Variants in TNFSF14 observed in about 807,000 individuals in gnomAD.
TNFSF14 encodes tumor necrosis factor ligand superfamily member 14.
TNFSF14 carries 15 observed loss-of-function variants against 22.7 expected under a neutral mutation model. The ratio of observed to expected loss-of-function variants is 0.66; its 90% CI spans 0.44 to 1.02. The LOEUF (loss-of-function observed/expected upper bound fraction) is 1.02. TNFSF14 is among the 50% of genes least tolerant of loss of function. The pLI is 0.00. For missense variants in TNFSF14, 287 were observed against 326.2 expected (o/e 0.88, Z 0.93); for synonymous variants, 133 against 139.6 (o/e 0.95, Z 0.33).
chr19:6,666,430 G>A (rs542483025), intron 3 of TNFSF14, among the ~76,000 whole-genome samples: 5 of 148,832 alleles, frequency 3.4e-5, no homozygotes, highest in African/African-American at 1.2e-4. Context: ...AAACATGCAA[G>A]TTTGCAAAAC....
Position 6,661,652 on chromosome 19 carries a change from C to T in TNFSF14, c.*3274G>A, listed in dbSNP as rs1568199292. ...GGTGAGAGACTGCAAGCGAAGAAGC[C>T]AAAATAGAGTCTGCCTGGCCCTCTC... On this transcript the variant is annotated 3_prime_UTR_variant, in exon 4 of 4. Coordinates refer to ENST00000675206, the MANE Select transcript of TNFSF14 (RefSeq NM_001376887.1). 1.3e-5 allele frequency: 2 copies of T among 152,108 alleles called. No individual in the cohort carries two copies. Among genetic ancestry groups the T allele is most frequent in the Non-Finnish European group, 2.9e-5 (2 of 68,010 alleles). 9.4% of individuals were successfully genotyped at this position (152,108 alleles called of 1,614,324 possible).
At position 6,662,576 on chromosome 19, in the gene TNFSF14, A is replaced by G. The variant is rs1234840682; in HGVS notation, c.*2350T>C. On this transcript the variant is annotated 3_prime_UTR_variant, in exon 4 of 4. Coordinates refer to ENST00000675206, the MANE Select transcript of TNFSF14 (RefSeq NM_001376887.1). ...CTATTGGCGATAACAACAATAACCC[A>G]CAAATTTTGACTTGTCATTCACAAC... 1 of 152,216 alleles carries G rather than the reference A, an allele frequency of 6.6e-6. No individual in the cohort carries two copies. Among genetic ancestry groups the G allele is most frequent in the Admixed American group, 6.5e-5 (1 of 15,270 alleles). 9.4% of individuals were successfully genotyped at this position (152,216 alleles called of 1,614,324 possible).
chr19:6,664,627 C>CG lies in TNFSF14; in HGVS notation c.*298_*299insC. 4.5e-6 allele frequency: 1 copy of CG among 220,464 alleles called. No homozygotes were observed. The allele number at this position is 220,464 out of a possible 1,614,324, so 13.7% of individuals were successfully genotyped here. A position where few individuals can be genotyped will look rare whatever the true frequency, so the allele number is the denominator to read the frequency against. ...GATCTCGGCTCACTGCAACCTCCGCCTCCCGGGTTTAAGCAAAATTATCCT... is the reference window on the plus strand; with the variant it reads ...GATCTCGGCTCACTGCAACCTCCGCCGTCCCGGGTTTAAGCAAAATTATCCT... On this transcript the variant is annotated 3_prime_UTR_variant, in exon 4 of 4. Coordinates refer to ENST00000675206, the MANE Select transcript of TNFSF14 (RefSeq NM_001376887.1). The surrounding 1 kb of genome is among the most constrained non-coding windows in gnomAD (Gnocchi z 4.7).
In TNFSF14 at chr19:6,664,794, C is replaced by A. The variant is rs1237135958; in HGVS notation, c.*132G>T. The A allele has an allele frequency of 1.7e-6, 2 of 1,195,826 alleles. No homozygotes were observed. The highest frequency in any genetic ancestry group is 2.3e-6 in the Non-Finnish European group (2 of 861,550). The allele number at this position is 1,195,826 out of a possible 1,614,324, so 74.1% of individuals were successfully genotyped here. On this transcript the variant is annotated 3_prime_UTR_variant, in exon 4 of 4. Transcript: ENST00000675206. The surrounding 1 kb of genome is among the most constrained non-coding windows in gnomAD (Gnocchi z 4.7). Reference sequence around the variant, plus strand: ...ACCTCAGGTGATCCGCCTGCCTTGGCCTCCCAAAGTGCTGGGATTACAGGC... The same window carrying A: ...ACCTCAGGTGATCCGCCTGCCTTGGACTCCCAAAGTGCTGGGATTACAGGC...
Position 6,669,975 on chromosome 19 carries a change from G to A in TNFSF14, c.95C>T (p.Ser32Leu), listed in dbSNP as rs2291667. 1,141 of 1,614,132 alleles carry A rather than the reference G, an allele frequency of 7.1e-4. 6 individuals are homozygous for A. The highest frequency in any genetic ancestry group is 6.4e-3 in the East Asian group (287 of 44,878). ...TRLGRSHRRQ[S>L]CSVARVGLGL... ...CAGACCCACCCGGGCCACACTGCAC[G>A]ACTGTCTCCGGTGGCTTCGTCCCAG... The change falls in exon 1 of 4, where the codon TCG becomes TTG. Residue 32 changes from serine to leucine, a missense_variant. Ser to Leu is a moderately radical substitution (Grantham distance 145, BLOSUM62 -2). Coordinates refer to ENST00000675206, the MANE Select transcript of TNFSF14 (RefSeq NM_001376887.1).
Position 6,667,147 on chromosome 19 carries a change from C to T in TNFSF14, c.264G>A (p.Arg88=). ...GSWEQLIQER[R]SHEVNPAAHL... The stretch of plus-strand genomic sequence containing the variant: ...GCGCTGCTGGGTTGACCTCGTGAGA[C>T]CTTCGCTCTGGGGAAAGAGGGTCAG... Residue 88 remains arginine, a synonymous_variant, in exon 3 of 4, where the codon AGG becomes AGA. Transcript: ENST00000675206. 4.4e-6 allele frequency: 7 copies of T among 1,591,954 alleles called. No individual in the cohort carries two copies. The highest frequency in any genetic ancestry group is 6.0e-6 in the Non-Finnish European group (7 of 1,171,774).
rs750662491 is a variant in TNFSF14 at position 6,669,832 on chromosome 19, G to A, written c.219+19C>T. ...CCCCCCTCACCTCCACCTGCTCTCA[G>A]CCCCCCGGTCCCACTCACAGGCAGG... On this transcript the variant is annotated intron_variant, in intron 1 of 3. Transcript: ENST00000675206. 8.1e-6 allele frequency: 13 copies of A among 1,606,786 alleles called. No individual in the cohort carries two copies. Among genetic ancestry groups the A allele is most frequent in the Non-Finnish European group, 1.1e-5 (13 of 1,179,186 alleles).
chr19:6,670,294 A>C, upstream of TNFSF14: 517 of 1,387,840 alleles, frequency 3.7e-4, no homozygotes, highest in Non-Finnish European at 4.5e-4. Context: ...ACAGACTCTC[A>C]CACTTTCCAG....
Position 6,669,840 on chromosome 19 carries a change from G to A in TNFSF14, c.219+11C>T. On this transcript the variant is annotated intron_variant, in intron 1 of 3. Transcript: ENST00000675206. ...ACCTCCACCTGCTCTCAGCCCCCCGGTCCCACTCACAGGCAGGCGGGTGAC... is the reference window on the plus strand; with the variant it reads ...ACCTCCACCTGCTCTCAGCCCCCCGATCCCACTCACAGGCAGGCGGGTGAC... 1.9e-6 allele frequency: 3 copies of A among 1,609,310 alleles called. No individual in the cohort carries two copies. The highest frequency in any genetic ancestry group is 1.1e-5 in the South Asian group (1 of 91,002).
chr19:6,667,344 T>C, intron 2 of TNFSF14, 69 bp downstream of exon 2: 7 of 1,491,918 alleles, frequency 4.7e-6, no homozygotes, highest in Non-Finnish European at 6.2e-6. Flanking sequence ...TATTGGGCAA[T>C]TGACCGAGGG....
Position 6,662,648 on chromosome 19 carries a change from C to T in TNFSF14, c.*2278G>A, listed in dbSNP as rs1414240324. 1 of 152,052 alleles carries T rather than the reference C, an allele frequency of 6.6e-6. No homozygotes were observed. Among genetic ancestry groups the T allele is most frequent in the Non-Finnish European group, 1.5e-5 (1 of 68,030 alleles). 9.4% of individuals were successfully genotyped at this position (152,052 alleles called of 1,614,324 possible). On this transcript the variant is annotated 3_prime_UTR_variant, in exon 4 of 4. Transcript: ENST00000675206. ...ATACATTCACCTCTGGGGTCGAAACCCATATCCTAGAATCCTAGGAACTAA... is the reference window on the plus strand; with the variant it reads ...ATACATTCACCTCTGGGGTCGAAACTCATATCCTAGAATCCTAGGAACTAA...
chr19:6,664,847 C>T lies in TNFSF14; in HGVS notation c.*79G>A, dbSNP rs1047900107. On this transcript the variant is annotated 3_prime_UTR_variant, in exon 4 of 4. Coordinates refer to ENST00000675206, the MANE Select transcript of TNFSF14 (RefSeq NM_001376887.1). This position sits in a 1 kb window ranked among gnomAD's most constrained non-coding sequence, Gnocchi z 4.7. Reference sequence around the variant, plus strand: ...GAGCCACCACGCCCAGCCTCTGCTTCGTGAGTTTTCTTTCCCCTGAGGCAC... The same window carrying T: ...GAGCCACCACGCCCAGCCTCTGCTTTGTGAGTTTTCTTTCCCCTGAGGCAC... The T allele has an allele frequency of 2.1e-5, 31 of 1,497,522 alleles. No homozygotes were observed. Among genetic ancestry groups the T allele is most frequent in the Non-Finnish European group, 2.5e-5 (28 of 1,119,574 alleles). The allele number at this position is 1,497,522 out of a possible 1,614,324, so 92.8% of individuals were successfully genotyped here. A position where few individuals can be genotyped will look rare whatever the true frequency, so the allele number is the denominator to read the frequency against.
rs1917282695 is a variant in TNFSF14 at position 6,662,883 on chromosome 19, A to T, written c.*2043T>A. On this transcript the variant is annotated 3_prime_UTR_variant, in exon 4 of 4. Transcript: ENST00000675206. Reference sequence around the variant, plus strand: ...CTTCCTCAGGAATTGTGGATTGGAGAGGAAGCCAGATCCAGACGTGAGGTC... The same window carrying T: ...CTTCCTCAGGAATTGTGGATTGGAGTGGAAGCCAGATCCAGACGTGAGGTC... 1 of 152,090 alleles carries T rather than the reference A, an allele frequency of 6.6e-6. No individual in the cohort carries two copies. The highest frequency in any genetic ancestry group is 2.1e-4 in the South Asian group (1 of 4,826). 9.4% of individuals were successfully genotyped at this position (152,090 alleles called of 1,614,324 possible). A position where few individuals can be genotyped will look rare whatever the true frequency, so the allele number is the denominator to read the frequency against.
Position 6,665,198 on chromosome 19 carries a change from C to T in TNFSF14, c.451G>A (p.Gly151Ser), listed in dbSNP as rs773398031. ...GCCAGGCCCAGCGGGCAGCCCACAC[C>T]GCCCAGCTGCACCTTGGAGTAGATG... ...YYIYSKVQLG[G>S]VGCPLGLAST... Residue 151 changes from glycine (G) to serine (S), a missense_variant, in exon 4 of 4, where the codon GGT becomes AGT. By Grantham distance (56) the Gly-to-Ser change is moderately conservative. Coordinates refer to ENST00000675206, the MANE Select transcript of TNFSF14 (RefSeq NM_001376887.1). The T allele has an allele frequency of 1.4e-5, 23 of 1,613,968 alleles. No individual in the cohort carries two copies. Among genetic ancestry groups the T allele is most frequent in the East Asian group, 6.7e-5 (3 of 44,894 alleles).
At position 6,662,166 on chromosome 19, in the gene TNFSF14, G is replaced by C. The variant is rs1199066772; in HGVS notation, c.*2760C>G. On this transcript the variant is annotated 3_prime_UTR_variant, in exon 4 of 4. Coordinates refer to ENST00000675206, the MANE Select transcript of TNFSF14 (RefSeq NM_001376887.1). The stretch of plus-strand genomic sequence containing the variant: ...TGCCTCAGCCTCCCGAGTAGCTGGG[G>C]TTACAGGTGCCCCCCACCACACCCA... 1 of 152,192 alleles carries C rather than the reference G, an allele frequency of 6.6e-6. No homozygotes were observed. The highest frequency in any genetic ancestry group is 2.4e-5 in the African/African-American group (1 of 41,406). 9.4% of individuals were successfully genotyped at this position (152,192 alleles called of 1,614,324 possible).
rs1917314484 is a variant in TNFSF14 at position 6,663,614 on chromosome 19, G to A, written c.*1312C>T. The stretch of plus-strand genomic sequence containing the variant: ...CCTCTGGGAGTGGCTGTGTAGCTGG[G>A]ATGCTGTCTGAGTTTTGTGTGCTTG... On this transcript the variant is annotated 3_prime_UTR_variant, in exon 4 of 4. Coordinates refer to ENST00000675206, the MANE Select transcript of TNFSF14 (RefSeq NM_001376887.1). The A allele has an allele frequency of 6.6e-6, 1 of 152,626 alleles. No homozygotes were observed. Among genetic ancestry groups the A allele is most frequent in the Non-Finnish European group, 1.5e-5 (1 of 68,086 alleles). 9.5% of individuals were successfully genotyped at this position (152,626 alleles called of 1,614,324 possible). A position where few individuals can be genotyped will look rare whatever the true frequency, so the allele number is the denominator to read the frequency against.
Position 6,664,908 on chromosome 19 carries a change from T to G in TNFSF14, c.*18A>C. 6.4e-7 allele frequency: 1 copy of G among 1,565,486 alleles called. No individual in the cohort carries two copies. The highest frequency in any genetic ancestry group is 8.7e-7 in the Non-Finnish European group (1 of 1,150,788). ...CTCCACGTGTCAGACCCATGTCCAA[T>G]GCACCACGCTCCTTCCTTCACACCA... is the stretch of plus-strand genomic sequence containing the variant. On this transcript the variant is annotated 3_prime_UTR_variant, in exon 4 of 4. Transcript: ENST00000675206. The surrounding 1 kb of genome is among the most constrained non-coding windows in gnomAD (Gnocchi z 4.7).
In TNFSF14 at chr19:6,662,831, A is replaced by C. The variant is rs1269842374; in HGVS notation, c.*2095T>G. 1 of 152,206 alleles carries C rather than the reference A, an allele frequency of 6.6e-6. No homozygotes were observed. The highest frequency in any genetic ancestry group is 1.5e-5 in the Non-Finnish European group (1 of 68,044). 9.4% of individuals were successfully genotyped at this position (152,206 alleles called of 1,614,324 possible). A position where few individuals can be genotyped will look rare whatever the true frequency, so the allele number is the denominator to read the frequency against. Reference sequence around the variant, plus strand: ...CATTCTGTCCTGGATGTGTCTAATAAGGGCGTCTTGCGGGATGTAGCCTCT... The same window carrying C: ...CATTCTGTCCTGGATGTGTCTAATACGGGCGTCTTGCGGGATGTAGCCTCT... On this transcript the variant is annotated 3_prime_UTR_variant, in exon 4 of 4. Coordinates refer to ENST00000675206, the MANE Select transcript of TNFSF14 (RefSeq NM_001376887.1).
chr19:6,667,372 A>G, intron 2 of TNFSF14, 41 bp downstream of exon 2: 1 of 1,517,066 alleles, frequency 6.6e-7, no homozygotes, highest in Non-Finnish European at 8.8e-7. Context: ...TGGCATGGGA[A>G]TCATCACACC....
Sources: gnomAD v4.1 joint callset for allele counts (sites outside exome capture counted in the v4.1 genomes callset) on GRCh38, gnomAD v4.1.1 for gene constraint, Gnocchi (gnomAD v3.1) non-coding constraint, MANE v1.5 for transcripts, NCBI Gene and HGNC (gene_info 2026-07-23, HGNC 2026-07-21) for gene names.